Variants in USP34 observed in about 807,000 individuals in gnomAD.
USP34 encodes ubiquitin specific peptidase 34, also known as ubiquitin carboxyl-terminal hydrolase 34.
In USP34, 70 loss-of-function variants were observed where a neutral mutation model predicts 460.3. The observed-to-expected ratio is 0.15, with a 90% CI of 0.13 to 0.19. The LOEUF is 0.19. Among genes scored for constraint, USP34 ranks in the 10% least tolerant of loss-of-function variants. The pLI, the probability that USP34 is intolerant of heterozygous loss-of-function variation, is 1.00. For missense variants in USP34, 3,985 were observed against 4,236.2 expected (o/e 0.94, Z 1.65); for synonymous variants, 1,647 against 1,405.3 (o/e 1.17, Z -3.85).
rs776793397 is a variant in USP34, at chr2:61,188,360, T to G, written c.10383A>C (p.Leu3461=). The G allele has an allele frequency of 3.7e-6, 6 of 1,613,708 alleles. No individual in the cohort carries two copies. In the African/African-American group the frequency reaches 8.0e-5, roughly 22 times the overall value. Residue 3461 remains leucine, a synonymous_variant, in exon 80 of 80, where the codon CTA becomes CTC. Coordinates refer to ENST00000398571, the MANE Select transcript of USP34 (RefSeq NM_014709.4). Reference sequence around the variant, plus strand: ...AAGGGAACTCAGATTCTTCCTCAGCTAGGGTAGAATCCTTGGAACAGTGGA... The same window carrying G: ...AAGGGAACTCAGATTCTTCCTCAGCGAGGGTAGAATCCTTGGAACAGTGGA... The part of the protein sequence containing the change: ...KDLHCSKDST[L]AEEESEFPST...
chr2:61,336,458 A>T (rs1029844810), intron 18 of USP34, among the ~76,000 whole-genome samples: 1 of 151,656 alleles, frequency 6.6e-6, no homozygotes, highest in Non-Finnish European at 1.5e-5. Flanking sequence ...CCTACCTATA[A>T]AAGAAGTATG....
intron 2 of USP34, among the ~76,000 whole-genome samples, chr2:61,406,620 G>A (rs1005952853): frequency 2.7e-5 from 4 of 150,442 alleles, no homozygotes; most frequent in Non-Finnish European, 4.4e-5. Flanking sequence ...AATCAAAAGT[G>A]TTTAGGAACA....
At chr2:61,383,534 A>C (rs1345996508) in intron 5 of USP34, among the ~76,000 whole-genome samples, 198 bp from the exon 6 acceptor site, 1 of 151,978 alleles carries the variant, frequency 6.6e-6, no homozygotes, top group Admixed American at 6.6e-5. Flanking sequence ...AAAACCCCGT[A>C]TCTACTAAAA....
intron 7 of USP34, among the ~76,000 whole-genome samples, chr2:61,379,885 A>C (rs1268985710): frequency 6.6e-6 from 1 of 152,278 alleles, no homozygotes; most frequent in Non-Finnish European, 1.5e-5. Flanking sequence ...CAAAACATCT[A>C]TAAACATAAA....
At chr2:61,333,792 G>GT in intron 19 of USP34, 90 bp downstream of exon 19, 1 of 881,134 alleles carries the variant, frequency 1.1e-6, no homozygotes, top group Non-Finnish European at 1.6e-6. Context: ...CTGGTACAGA[G>GT]TAAAAGCTTG....
chr2:61,235,293 T>G (rs1249141729), intron 57 of USP34, among the ~76,000 whole-genome samples: 1 of 151,632 alleles, frequency 6.6e-6, no homozygotes, highest in Admixed American at 6.6e-5. Context: ...ATAGTTTTCC[T>G]TCTGGTAGAT....
intron 75 of USP34, among the ~76,000 whole-genome samples, chr2:61,196,112 G>T (rs571516475): frequency 1.7e-5 from 2 of 119,314 alleles, no homozygotes; most frequent in Non-Finnish European, 3.3e-5. Flanking sequence ...ACGGAGTCTC[G>T]CTTTGTCGCA....
At chr2:61,235,977 T>C (rs1230649619) in intron 56 of USP34, 49 bp downstream of exon 56, 2 of 1,595,534 alleles carry the variant, frequency 1.3e-6, no homozygotes, top group Non-Finnish European at 1.7e-6. Context: ...CCAAAAGATA[T>C]CTGATAAAAA....
intron 1 of USP34, among the ~76,000 whole-genome samples, chr2:61,451,904 A>C (rs1049125528): frequency 6.6e-6 from 1 of 151,850 alleles, no homozygotes; most frequent in Non-Finnish European, 1.5e-5. Flanking sequence ...AGCCGGGCGC[A>C]GTGGCTCACG....
At chr2:61,462,232 T>A (rs1451311029) in intron 1 of USP34, among the ~76,000 whole-genome samples, 2 of 115,216 alleles carry the variant, frequency 1.7e-5, no homozygotes, top group African/African-American at 6.8e-5. Flanking sequence ...AGAACAAGAC[T>A]CCATCTCAGG....
At position 61,227,309 on chromosome 2, in the gene USP34, G is replaced by A. The variant is rs1266618619; in HGVS notation, c.7444-91C>T. 1.0e-5 allele frequency: 14 copies of A among 1,404,616 alleles called. No homozygotes were observed. The East Asian group carries it at 3.3e-4, about 33-fold the overall frequency. The allele number at this position is 1,404,616 out of a possible 1,614,324, so 87.0% of individuals were successfully genotyped here. A position where few individuals can be genotyped will look rare whatever the true frequency, so the allele number is the denominator to read the frequency against. ...CTTGTTTTATGTAACAGTGTAGATG[G>A]TGGCAGGAGCTTGTAACATGAAAAA... On this transcript the variant is annotated intron_variant, in intron 61 of 79. Coordinates refer to ENST00000398571, the MANE Select transcript of USP34 (RefSeq NM_014709.4).
At chr2:61,207,024 G>C (rs1450553452) in intron 70 of USP34, 138 bp from the exon 71 acceptor site, 5 of 865,300 alleles carry the variant, frequency 5.8e-6, no homozygotes, top group Admixed American at 3.1e-5. Flanking sequence ...AAACGTATTT[G>C]CTTTCTATCC....
intron 3 of USP34, among the ~76,000 whole-genome samples, chr2:61,396,471 T>C (rs1282240651): frequency 7.5e-5 from 11 of 147,446 alleles, no homozygotes; most frequent in Admixed American, 7.0e-4. Context: ...GCTAAATGAA[T>C]GGCATAACCA....
At chr2:61,220,148 T>G in intron 67 of USP34, 162 bp downstream of exon 67, 1 of 456,396 alleles carries the variant, frequency 2.2e-6, no homozygotes, top group Non-Finnish European at 3.3e-6. Context: ...TGGTTTCCTA[T>G]CCTAAAAAAA....
At position 61,228,793 on chromosome 2, in the gene USP34, G is replaced by A. The variant is rs765441896; in HGVS notation, c.7368+34C>T. ...AAGTTGCAAATACTGAAAAAAGGTA[G>A]ATAATCAAAAAAATAGACAAGATAT... On this transcript the variant is annotated intron_variant, in intron 60 of 79. Transcript: ENST00000398571. 10 of 1,585,604 alleles carry A rather than the reference G, an allele frequency of 6.3e-6. No homozygotes were observed. In the South Asian group the frequency reaches 1.2e-4, roughly 19 times the overall value.
intron 8 of USP34, among the ~76,000 whole-genome samples, chr2:61,373,198 G>A (rs761659019): frequency 2.6e-5 from 4 of 151,820 alleles, no homozygotes; most frequent in Non-Finnish European, 4.4e-5. Context: ...CAATTAAAAT[G>A]TCACACTAGA....
chr2:61,420,753 T>C lies in USP34; in HGVS notation c.124A>G (p.Thr42Ala), dbSNP rs1271602629. 6.2e-7 allele frequency: 1 copy of C among 1,609,150 alleles called. No homozygotes were observed. ...LKIFTYINSWTQRQCLCCFKE... is the reference protein window; with the variant it reads ...LKIFTYINSWAQRQCLCCFKE... ...ATACCTAAAGATGCATACCTCTGTG[T>C]CCAGGAATTGATATAAGTAAATATT... Residue 42 changes from threonine to alanine, a missense_variant, in exon 2 of 80, where the codon ACA becomes GCA. By Grantham distance (58) the Thr-to-Ala change is moderately conservative. Coordinates refer to ENST00000398571, the MANE Select transcript of USP34 (RefSeq NM_014709.4).
At chr2:61,397,143 T>C (rs986130039) in intron 3 of USP34, among the ~76,000 whole-genome samples, 2 of 152,168 alleles carry the variant, frequency 1.3e-5, no homozygotes, top group East Asian at 3.9e-4. Flanking sequence ...ATATTCTGTA[T>C]TTAATTTTTC....
intron 10 of USP34, 131 bp from the exon 11 acceptor site, chr2:61,350,824 C>A: frequency 4.8e-6 from 4 of 837,936 alleles, no homozygotes; most frequent in South Asian, 4.3e-5. Context: ...CGGTAAAATG[C>A]TAATTATCTA....
Sources: allele counts gnomAD v4.1 joint callset (sites outside exome capture counted in the v4.1 genomes callset), GRCh38; gene constraint gnomAD v4.1.1; transcripts MANE v1.5; gene names NCBI Gene and HGNC (gene_info 2026-07-23, HGNC 2026-07-21).